TENM2: variants seen among roughly 807,000 people sequenced by gnomAD.
The protein encoded by TENM2 is teneurin transmembrane protein 2, also known as teneurin-2.
Under a neutral mutation model 245.2 loss-of-function variants are expected in TENM2, and 52 were observed. The ratio of observed to expected loss-of-function variants is 0.21; its 90% CI spans 0.17 to 0.27. TENM2 has a LOEUF of 0.27. Among genes scored for constraint, TENM2 ranks in the 10% least tolerant of loss-of-function variants. The pLI is 1.00. For synonymous variants in TENM2, 1,363 were observed against 1,438.9 expected, an observed-to-expected ratio of 0.95 and a Z score of 1.19; for missense variants, 3,046 against 3,666.8, an observed-to-expected ratio of 0.83 and a Z score of 4.37.
intron 2 of TENM2, among the ~76,000 whole-genome samples, chr5:167,537,327 C>CA (rs1562036729): frequency 6.6e-6 from 1 of 150,736 alleles, no homozygotes; most frequent in Non-Finnish European, 1.5e-5. Context: ...ACAATGGTGT[C>CA]AGGAATAAAT....
intron 2 of TENM2, among the ~76,000 whole-genome samples, chr5:167,822,306 A>G (rs1767598429): frequency 1.3e-5 from 2 of 152,184 alleles, no homozygotes; most frequent in Non-Finnish European, 2.9e-5. Context: ...CCTGTTTTAA[A>G]CATGCAAAAA....
Position 167,992,924 on chromosome 5 carries a change from T to C in TENM2, c.948-20T>C. 2 of 1,603,704 alleles carry C rather than the reference T, an allele frequency of 1.2e-6. No homozygotes were observed. Among genetic ancestry groups the C allele is most frequent in the Non-Finnish European group, 1.7e-6 (2 of 1,170,684 alleles). On this transcript the variant is annotated intron_variant, in intron 4 of 28. Coordinates refer to ENST00000518659, the Ensembl canonical transcript of TENM2. ...CTTGGCTACCCATGACCACTCTGAC[T>C]CTTTCCCTTTTCCTGGCAGGCACTT...
intron 2 of TENM2, chr5:167,653,232 A>C (rs1416719184): frequency 6.6e-6 from 1 of 152,146 alleles, no homozygotes; most frequent in East Asian, 1.9e-4. Flanking sequence ...ATAGAGTAAC[A>C]GGGAAGTAAT....
At chr5:167,583,029 G>A (rs1775203273) in intron 2 of TENM2, among the ~76,000 whole-genome samples, 1 of 152,146 alleles carries the variant, frequency 6.6e-6, no homozygotes, top group Admixed American at 6.5e-5. Flanking sequence ...AGTTGAGCAT[G>A]TTTGCCAAGT....
In TENM2 at chr5:167,321,800, T is replaced by TTTTTTGTG. The variant is rs1467480814; in HGVS notation, c.226+36738_226+36739insTTTTGTGT. 1.6e-4 allele frequency among the ~76,000 whole-genome samples: 2 copies of TTTTTTGTG among 12,144 alleles called. 1 individual carries two copies. Among genetic ancestry groups the TTTTTTGTG allele is most frequent in the Non-Finnish European group, 3.4e-4 (2 of 5,816 alleles). 8.0% of individuals were successfully genotyped at this position (12,144 alleles called of 152,430 possible). ...GCCTTGGCTTATTTTTTTTTTTTTT[T>TTTTTTGTG]TGGGGGGGGGGGCGGGGGGGGGGGT... On this transcript the variant is annotated intron_variant, in intron 1 of 28. Coordinates refer to ENST00000518659, the Ensembl canonical transcript of TENM2.
intron 14 of TENM2, among the ~76,000 whole-genome samples, chr5:168,192,904 C>A (rs1273437065): frequency 6.6e-6 from 1 of 152,198 alleles, no homozygotes; most frequent in African/African-American, 2.4e-5. Flanking sequence ...TATTTCTACC[C>A]TAAATCCAGT....
intron 2 of TENM2, among the ~76,000 whole-genome samples, chr5:167,682,904 G>A (rs1445861103): frequency 6.6e-6 from 1 of 152,132 alleles, no homozygotes; most frequent in East Asian, 1.9e-4. Context: ...TTATACTCAG[G>A]CTTTGTCCTT....
the TENM2 span, among the ~76,000 whole-genome samples, chr5:167,176,384 C>A: frequency 3.2e-4 from 48 of 152,228 alleles, no homozygotes; most frequent in Admixed American, 3.1e-3. Context: ...GTCCCCAAAA[C>A]TCACTGAGCT....
the TENM2 span, among the ~76,000 whole-genome samples, chr5:167,230,933 A>T: frequency 6.6e-6 from 1 of 152,124 alleles, no homozygotes; most frequent in South Asian, 2.1e-4. Context: ...TAATTGAATC[A>T]TGGGGGCAGT....
At chr5:168,124,646 T>A (rs1308380190) in intron 10 of TENM2, among the ~76,000 whole-genome samples, 2 of 152,168 alleles carry the variant, frequency 1.3e-5, no homozygotes, top group Non-Finnish European at 2.9e-5. Flanking sequence ...TGAGATTTGG[T>A]GTTTGACAAA....
chr5:167,745,031 T>C (rs1327125964), intron 2 of TENM2, among the ~76,000 whole-genome samples: 1 of 152,146 alleles, frequency 6.6e-6, no homozygotes, highest in Non-Finnish European at 1.5e-5. Flanking sequence ...TTGAATAAAC[T>C]TTCTAGACAG....
At chr5:167,084,498 C>T in the TENM2 span, among the ~76,000 whole-genome samples, 1 of 151,086 alleles carries the variant, frequency 6.6e-6, no homozygotes, top group Non-Finnish European at 1.5e-5. Flanking sequence ...ATAGCAAGCA[C>T]ATGGAGACCA....
chr5:167,271,580 A>G, the TENM2 span, among the ~76,000 whole-genome samples: 3 of 152,172 alleles, frequency 2.0e-5, no homozygotes, highest in African/African-American at 7.2e-5. Flanking sequence ...CTAGATTTAT[A>G]AGGTACGTGT....
intron 12 of TENM2, among the ~76,000 whole-genome samples, chr5:168,158,807 ATG>A (rs371329253): frequency 0.1 from 8,354 of 80,174 alleles, 782 homozygotes; most frequent in East Asian, 0.5. Flanking sequence ...TAAAAAAAAA[ATG>A]TGTGTGTGTG....
chr5:167,508,529 G>A (rs1769710655), intron 2 of TENM2, among the ~76,000 whole-genome samples: 1 of 152,078 alleles, frequency 6.6e-6, no homozygotes. Context: ...AATATAGACA[G>A]GACACAAGAG....
At chr5:167,093,993 G>A in the TENM2 span, among the ~76,000 whole-genome samples, 2 of 152,136 alleles carry the variant, frequency 1.3e-5, no homozygotes, top group African/African-American at 4.8e-5. Flanking sequence ...ATGGAATGGC[G>A]ATGTCTCAGC....
At chr5:167,092,640 A>T in the TENM2 span, among the ~76,000 whole-genome samples, 1 of 152,174 alleles carries the variant, frequency 6.6e-6, no homozygotes, top group African/African-American at 2.4e-5. Flanking sequence ...AGATAAGATG[A>T]CAAACCTAGA....
At chr5:168,013,794 A>AT (rs1175120136) in intron 5 of TENM2, among the ~76,000 whole-genome samples, 1 of 152,086 alleles carries the variant, frequency 6.6e-6, no homozygotes, top group Non-Finnish European at 1.5e-5. Flanking sequence ...ACACAAGCTT[A>AT]TTGTCTCCTA....
chr5:167,725,380 G>A (rs1561709649), intron 2 of TENM2, among the ~76,000 whole-genome samples: 1 of 152,136 alleles, frequency 6.6e-6, no homozygotes, highest in Non-Finnish European at 1.5e-5. Flanking sequence ...AAGGGAATCT[G>A]AACTTTTTCT....
Sources: allele counts gnomAD v4.1 joint callset (sites outside exome capture counted in the v4.1 genomes callset), GRCh38; gene constraint gnomAD v4.1.1; transcripts MANE v1.5; gene names NCBI Gene and HGNC (gene_info 2026-07-23, HGNC 2026-07-21).